Variants in SPOCK3 observed in about 807,000 individuals in gnomAD.
SPOCK3 encodes testican-3.
In SPOCK3, 30 loss-of-function variants were observed where a neutral mutation model predicts 56.6. The observed-to-expected ratio is 0.53, with a 90% CI of 0.40 to 0.72. SPOCK3 has a LOEUF of 0.72. Among genes scored for constraint, SPOCK3 ranks in the 30% least tolerant of loss-of-function variants. The pLI, the probability that SPOCK3 is intolerant of heterozygous loss-of-function variation, is 0.00. For missense variants in SPOCK3, 527 were observed against 530.0 expected, an observed-to-expected ratio of 0.99 and a Z score of 0.06; for synonymous variants, 196 against 183.3, an observed-to-expected ratio of 1.07 and a Z score of -0.56.
At chr4:166,999,711 A>G (rs572438463) in intron 4 of SPOCK3, among the ~76,000 whole-genome samples, 3 of 152,324 alleles carry the variant, frequency 2.0e-5, no homozygotes, top group African/African-American at 7.2e-5. Context: ...TTTAAGACTC[A>G]GCACCAAACT....
chr4:166,852,060 C>G (rs1254417145), intron 6 of SPOCK3, among the ~76,000 whole-genome samples: 1 of 150,734 alleles, frequency 6.6e-6, no homozygotes, highest in Non-Finnish European at 1.5e-5. Flanking sequence ...AAAAACCAAA[C>G]ACCGCATATT....
At chr4:166,774,992 C>G (rs1739367212) in intron 7 of SPOCK3, among the ~76,000 whole-genome samples, 1 of 152,084 alleles carries the variant, frequency 6.6e-6, no homozygotes, top group Non-Finnish European at 1.5e-5. Context: ...GGCTGAATAA[C>G]AAGGAGTCAG....
chr4:167,156,445 C>G (rs1764826655), intron 2 of SPOCK3, among the ~76,000 whole-genome samples: 1 of 152,128 alleles, frequency 6.6e-6, no homozygotes, highest in South Asian at 2.1e-4. Context: ...CTTAATCTAT[C>G]TGCACCATGA....
intron 2 of SPOCK3, among the ~76,000 whole-genome samples, chr4:167,073,443 G>C (rs1756884023): frequency 6.6e-6 from 1 of 151,676 alleles, no homozygotes; most frequent in Non-Finnish European, 1.5e-5. Context: ...CCTGAAAAAT[G>C]GTGCATTCAT....
intron 6 of SPOCK3, among the ~76,000 whole-genome samples, chr4:166,835,582 T>C (rs1163839763): frequency 1.3e-5 from 2 of 152,190 alleles, no homozygotes; most frequent in Admixed American, 6.5e-5. Context: ...TTGTTAGTTA[T>C]CTTGTATGTT....
chr4:166,887,107 T>G (rs1734281948), intron 6 of SPOCK3, among the ~76,000 whole-genome samples: 1 of 152,156 alleles, frequency 6.6e-6, no homozygotes, highest in Non-Finnish European at 1.5e-5. Flanking sequence ...TACAGAAAAT[T>G]TGACAATATG....
intron 5 of SPOCK3, among the ~76,000 whole-genome samples, chr4:166,902,853 A>T (rs74462944): frequency 0.11 from 16,251 of 150,732 alleles, 918 homozygotes; most frequent in African/African-American, 0.13. Flanking sequence ...ATGTTTGGTA[A>T]TGCTTGAATA....
chr4:166,838,295 T>A (rs1004376868), intron 6 of SPOCK3, among the ~76,000 whole-genome samples: 3 of 152,196 alleles, frequency 2.0e-5, no homozygotes, highest in African/African-American at 7.2e-5. Context: ...AAGACTCAAA[T>A]GACATAAATG....
intron 3 of SPOCK3, among the ~76,000 whole-genome samples, chr4:167,039,830 CCA>C (rs1432822480): frequency 5.9e-5 from 9 of 152,056 alleles, no homozygotes; most frequent in Admixed American, 4.6e-4. Context: ...TGTATATATA[CCA>C]CACAAAGTTG....
intron 2 of SPOCK3, among the ~76,000 whole-genome samples, chr4:167,136,982 C>A (rs991343556): frequency 6.6e-6 from 1 of 151,944 alleles, no homozygotes; most frequent in Non-Finnish European, 1.5e-5. Context: ...GTTCTCTCAC[C>A]CATAAAATTA....
chr4:166,808,838 G>A (rs1008554822), intron 6 of SPOCK3, among the ~76,000 whole-genome samples: 6 of 151,990 alleles, frequency 3.9e-5, no homozygotes, highest in African/African-American at 1.4e-4. Flanking sequence ...AATTGGATGG[G>A]TTCTCATGGA....
chr4:167,030,843 A>C (rs7657434), intron 3 of SPOCK3, among the ~76,000 whole-genome samples: 54,879 of 151,748 alleles, frequency 0.36, 12,287 homozygotes, highest in African/African-American at 0.64. Context: ...CACTTTTAAT[A>C]CCTGTTTCTC....
At chr4:166,863,295 A>G (rs1329231661) in intron 6 of SPOCK3, among the ~76,000 whole-genome samples, 2 of 152,204 alleles carry the variant, frequency 1.3e-5, no homozygotes, top group African/African-American at 2.4e-5. Context: ...TCCACTAAAC[A>G]TGGAAAGGAA....
At chr4:166,898,379 T>C (rs959820991) in intron 5 of SPOCK3, among the ~76,000 whole-genome samples, 12 of 151,994 alleles carry the variant, frequency 7.9e-5, no homozygotes, top group African/African-American at 2.7e-4. Flanking sequence ...GTACACTCAT[T>C]CACCTATACT....
chr4:166,963,527 C>A (rs191237496), intron 4 of SPOCK3, among the ~76,000 whole-genome samples: 1 of 151,802 alleles, frequency 6.6e-6, no homozygotes, highest in East Asian at 1.9e-4. Context: ...ATTTTTGAGG[C>A]CTTCAAGCAG....
At chr4:166,971,263 T>C (rs1745345763) in intron 4 of SPOCK3, among the ~76,000 whole-genome samples, 1 of 152,018 alleles carries the variant, frequency 6.6e-6, no homozygotes, top group East Asian at 1.9e-4. Flanking sequence ...ATTTTGTGTT[T>C]TTATTTTTCC....
intron 6 of SPOCK3, among the ~76,000 whole-genome samples, chr4:166,806,811 T>C (rs192367786): frequency 9.9e-5 from 15 of 152,124 alleles, no homozygotes; most frequent in Non-Finnish European, 1.8e-4. Flanking sequence ...CCCAAGTTTA[T>C]TCATGCGAGA....
chr4:167,088,790 T>G (rs545167182), intron 2 of SPOCK3, among the ~76,000 whole-genome samples: 3 of 152,222 alleles, frequency 2.0e-5, no homozygotes, highest in East Asian at 3.9e-4. Flanking sequence ...ATGCAAGTAT[T>G]AAAACTTTGT....
intron 7 of SPOCK3, among the ~76,000 whole-genome samples, chr4:166,771,585 C>T (rs961406989): frequency 2.6e-5 from 4 of 151,944 alleles, no homozygotes; most frequent in African/African-American, 9.7e-5. Flanking sequence ...AGCATGCACA[C>T]CTGTATGAAT....
Sources: allele counts gnomAD v4.1 joint callset (sites outside exome capture counted in the v4.1 genomes callset), GRCh38; gene constraint gnomAD v4.1.1; transcripts MANE v1.5; gene names NCBI Gene and HGNC (gene_info 2026-07-23, HGNC 2026-07-21).